Variants in NOC3L observed in about 807,000 individuals in gnomAD.
NOC3L encodes nucleolar complex protein 3 homolog.
NOC3L carries 85 observed loss-of-function variants against 102.5 expected under a neutral mutation model. That is an observed-to-expected ratio of 0.83 (90% CI 0.70 to 0.99). The LOEUF (loss-of-function observed/expected upper bound fraction) is 0.99, where lower values mean the gene tolerates loss of function less well. Ranked by LOEUF, NOC3L falls within the 50% of genes least tolerant of loss-of-function variation. The pLI is 0.00. For missense variants in NOC3L, 878 were observed against 914.9 expected (o/e 0.96, Z 0.52); for synonymous variants, 303 against 309.4 (o/e 0.98, Z 0.22).
At chr10:94,330,052 G>A (rs1342172298), downstream of NOC3L, 1 of 152,136 alleles carries the variant, frequency 6.6e-6, no homozygotes, top group Non-Finnish European at 1.5e-5. Flanking sequence ...GCCCTACCAC[G>A]TGTTGAAAAC....
intron 8 of NOC3L, 120 bp from the exon 9 acceptor site, chr10:94,350,408 C>G: frequency 2.3e-6 from 2 of 861,634 alleles, no homozygotes. Context: ...ATTCCCACAC[C>G]CCTTAAAAAA....
At chr10:94,357,465 T>C in intron 3 of NOC3L, 134 bp from the exon 4 acceptor site, 1 of 565,092 alleles carries the variant, frequency 1.8e-6, no homozygotes, top group Non-Finnish European at 2.7e-6. Flanking sequence ...CTTAGGCTAG[T>C]GTCTGGCACA....
In NOC3L at chr10:94,334,029, C is replaced by T; in HGVS notation, c.*148G>A. On this transcript the variant is annotated 3_prime_UTR_variant, in exon 21 of 21. Coordinates refer to ENST00000371361, the MANE Select transcript of NOC3L (RefSeq NM_022451.11). ...TCAGAATAGGGGCAGAACCCTGTGCCATGCAAAGGGTCATTCTTCCTCTTC... is the reference window on the plus strand; with the variant it reads ...TCAGAATAGGGGCAGAACCCTGTGCTATGCAAAGGGTCATTCTTCCTCTTC... 1 of 537,108 alleles carries T rather than the reference C, an allele frequency of 1.9e-6. No individual in the cohort carries two copies. Among genetic ancestry groups the T allele is most frequent in the South Asian group, 3.1e-5 (1 of 32,334 alleles). 33.3% of individuals were successfully genotyped at this position (537,108 alleles called of 1,614,324 possible).
chr10:94,319,864 C>CTTTTTTT, the NOC3L span, among the ~76,000 whole-genome samples: 100 of 92,920 alleles, frequency 1.1e-3, 5 homozygotes, highest in African/African-American at 8.6e-4. Context: ...CAAAGGTGCT[C>CTTTTTTT]TTTTTTTTTT....
At chr10:94,316,790 G>C in the NOC3L span, 7 of 1,473,504 alleles carry the variant, frequency 4.8e-6, no homozygotes, top group African/African-American at 6.9e-5. Context: ...ACACAGTAAC[G>C]ACTCATTATG....
the NOC3L span, among the ~76,000 whole-genome samples, chr10:94,322,260 A>ATTACTT: frequency 6.6e-6 from 1 of 152,020 alleles, no homozygotes; most frequent in African/African-American, 2.4e-5. Flanking sequence ...AAGCTGAGGC[A>ATTACTT]GGAGGATTAC....
chr10:94,349,361 A>G lies in NOC3L; in HGVS notation c.1146T>C (p.Cys382=). The change falls in exon 10 of 21, where the codon TGT becomes TGC. Residue 382 remains cysteine, a synonymous_variant. Coordinates refer to ENST00000371361, the MANE Select transcript of NOC3L (RefSeq NM_022451.11). ...DMSKLISEMC[C]EAVKKLFKQD... is the part of the protein sequence containing the mutation. ...GCTTAAAGAGTTTCTTCACAGCTTC[A>G]CAACACATTTCAGATATCTGAAAAA... The G allele has an allele frequency of 6.3e-7, 1 of 1,579,698 alleles. No individual in the cohort carries two copies.
At chr10:94,332,495 ATGTGTGTGCCTG>A (rs2054171092), downstream of NOC3L, 3 of 130,482 alleles carry the variant, frequency 2.3e-5, no homozygotes, top group East Asian at 2.2e-4. Context: ...GCCTCAGGAT[ATGTGTGTGCCTG>A]TGTGTGTGTG....
At chr10:94,331,905 T>C (rs1275652186), downstream of NOC3L, 1 of 146,304 alleles carries the variant, frequency 6.8e-6, no homozygotes, top group Admixed American at 7.0e-5. Context: ...AAAGTCTCAC[T>C]CTGTTGCCCA....
At chr10:94,357,381 T>C in intron 3 of NOC3L, 50 bp from the exon 4 acceptor site, 1 of 1,439,996 alleles carries the variant, frequency 6.9e-7, no homozygotes. Context: ...TCTAAAAAGT[T>C]ATCTAGAGAC....
chr10:94,340,997 A>G (rs1564910503), intron 14 of NOC3L, among the ~76,000 whole-genome samples: 1 of 150,528 alleles, frequency 6.6e-6, no homozygotes, highest in Non-Finnish European at 1.5e-5. Context: ...AAAAAAAAAA[A>G]AAATTTCTAC....
Position 94,346,524 on chromosome 10 carries a change from CTTGA to C in NOC3L, c.1286_1289del (p.Ile429ArgfsTer3). ...CTGTATCTTTTTTCACTTCTACTTC[CTTGA>C]TTCTTAGGCATAAAAATGTTTTTAA... is the stretch of plus-strand genomic sequence containing the variant. On this transcript the variant is annotated frameshift_variant, in exon 11 of 21. Coordinates refer to ENST00000371361, the MANE Select transcript of NOC3L (RefSeq NM_022451.11). LOFTEE classifies it high-confidence loss of function. The C allele has an allele frequency of 7.0e-7, 1 of 1,431,822 alleles. No homozygotes were observed. The highest frequency in any genetic ancestry group is 9.4e-7 in the Non-Finnish European group (1 of 1,067,134). The allele number at this position is 1,431,822 out of a possible 1,614,324, so 88.7% of individuals were successfully genotyped here. A position where few individuals can be genotyped will look rare whatever the true frequency, so the allele number is the denominator to read the frequency against.
chr10:94,326,637 G>T, the NOC3L span, among the ~76,000 whole-genome samples: 1 of 152,216 alleles, frequency 6.6e-6, no homozygotes, highest in Middle Eastern at 3.4e-3. Flanking sequence ...TTAGAAATTT[G>T]ACTTAAAAAT....
chr10:94,349,600 T>G (rs756232014), intron 9 of NOC3L, among the ~76,000 whole-genome samples: 7 of 152,168 alleles, frequency 4.6e-5, no homozygotes, highest in Non-Finnish European at 1.0e-4. Context: ...GGGGACAAAT[T>G]TGCTTCCTGT....
At chr10:94,360,717 A>T (rs1170126060) in intron 2 of NOC3L, among the ~76,000 whole-genome samples, 1 of 152,214 alleles carries the variant, frequency 6.6e-6, no homozygotes, top group East Asian at 1.9e-4. Flanking sequence ...ATTGTTCGTA[A>T]CACAAAGATA....
intron 4 of NOC3L, 63 bp downstream of exon 4, chr10:94,357,111 A>C: frequency 8.0e-7 from 1 of 1,256,200 alleles, no homozygotes. Flanking sequence ...TTGAGTGAAA[A>C]AAAAACATGA....
intron 1 of NOC3L, 72 bp from the exon 2 acceptor site, chr10:94,361,944 AC>A: frequency 8.7e-7 from 1 of 1,155,680 alleles, no homozygotes; most frequent in Non-Finnish European, 1.3e-6. Flanking sequence ...AGAACTGATT[AC>A]AAATTTCATT....
the NOC3L span, among the ~76,000 whole-genome samples, chr10:94,326,087 G>C: frequency 2.7e-4 from 41 of 152,122 alleles, no homozygotes; most frequent in East Asian, 7.2e-3. Flanking sequence ...TCTCCTTTTC[G>C]CTTAGTTTCC....
rs991517485 is a variant in NOC3L at position 94,361,734 on chromosome 10, T to G, written c.148A>C (p.Arg50=). The G allele has an allele frequency of 3.7e-6, 6 of 1,613,360 alleles. No individual in the cohort carries two copies. The highest frequency in any genetic ancestry group is 1.3e-5 in the African/African-American group (1 of 74,904). Residue 50 remains arginine (R), a synonymous_variant, in exon 2 of 21, where the codon AGG becomes CGG. Transcript: ENST00000371361. ...KKYRKEQRKL[R]QAVKDAVSKK... ...GACACAGCATCTTTCACAGCTTGCCTTAGTTTCCTCTGTTCTTTTCGGTAC... is the reference window on the plus strand; with the variant it reads ...GACACAGCATCTTTCACAGCTTGCCGTAGTTTCCTCTGTTCTTTTCGGTAC...
Sources: gnomAD v4.1 joint callset for allele counts (sites outside exome capture counted in the v4.1 genomes callset) on GRCh38, gnomAD v4.1.1 for gene constraint, MANE v1.5 for transcripts, NCBI Gene and HGNC (gene_info 2026-07-23, HGNC 2026-07-21) for gene names.